The following POLN variants were observed in gnomAD, a reference collection of about 807,000 sequenced individuals.
The protein encoded by POLN is DNA polymerase N.
Under a neutral mutation model 113.5 loss-of-function variants are expected in POLN, and 108 were observed. That is an observed-to-expected ratio of 0.95 (90% CI 0.81 to 1.12). POLN has a LOEUF of 1.12. Among genes scored for constraint, POLN ranks in the 50% most tolerant of loss-of-function variants. POLN has a pLI of 0.00. For synonymous variants in POLN, 386 were observed against 391.5 expected, an observed-to-expected ratio of 0.99 and a Z score of 0.17; for missense variants, 1,097 against 1,077.1, an observed-to-expected ratio of 1.02 and a Z score of -0.26.
chr4:2,122,636 AT>A (rs1477524200), intron 19 of POLN, among the ~76,000 whole-genome samples: 6 of 152,242 alleles, frequency 3.9e-5, no homozygotes, highest in Non-Finnish European at 4.4e-5. Context: ...ACCTGTGGGA[AT>A]GTAAAATGGT....
At chr4:2,205,083 T>C (rs191282322) in intron 5 of POLN, among the ~76,000 whole-genome samples, 51 of 152,262 alleles carry the variant, frequency 3.3e-4, no homozygotes, top group African/African-American at 1.2e-3. Context: ...TTGGAAGTCC[T>C]AGCCAGAGCA....
At chr4:2,087,793 C>T (rs1428376973) in intron 20 of POLN, among the ~76,000 whole-genome samples, 11 of 151,858 alleles carry the variant, frequency 7.2e-5, no homozygotes, top group African/African-American at 1.2e-4. Context: ...GCATGATATA[C>T]GTAGAGTTTT....
intron 5 of POLN, among the ~76,000 whole-genome samples, chr4:2,201,394 T>A: frequency 7.3e-6 from 1 of 136,880 alleles, no homozygotes; most frequent in Non-Finnish European, 1.6e-5. Context: ...CTTATAGAAA[T>A]GCAAAATGCT....
At chr4:2,172,490 T>C (rs1260599243) in intron 11 of POLN, among the ~76,000 whole-genome samples, 1 of 152,226 alleles carries the variant, frequency 6.6e-6, no homozygotes, top group Non-Finnish European at 1.5e-5. Context: ...CTTATTGGCC[T>C]TTAGCTGAAC....
At chr4:2,079,898 C>G (rs540806445) in intron 23 of POLN, 2 of 985,670 alleles carry the variant, frequency 2.0e-6, no homozygotes, top group East Asian at 2.3e-4. Flanking sequence ...AGTGAATCTT[C>G]TAATGCCCCA....
rs1448945098 is a variant in POLN at position 2,229,167 on chromosome 4, T to C, written c.65A>G (p.Gln22Arg). Reference protein sequence around the residue: ...LCNTPLSSVAQKIMSAMHSGD... With the variant: ...LCNTPLSSVARKIMSAMHSGD... ...TGAATGCATAGCAGACATAATCTTC[T>C]GAGCAACACTGGAGAGCGGTGTATT... Residue 22 changes from glutamine to arginine, a missense_variant, in exon 3 of 26, where the codon CAG becomes CGG. Transcript: ENST00000511885. The C allele has an allele frequency of 6.2e-7, 1 of 1,610,808 alleles. No individual in the cohort carries two copies. The highest frequency in any genetic ancestry group is 8.5e-7 in the Non-Finnish European group (1 of 1,177,148).
intron 2 of POLN, chr4:2,236,208 C>A (rs1734758345): frequency 4.1e-6 from 6 of 1,453,556 alleles, no homozygotes; most frequent in Non-Finnish European, 2.9e-6. Flanking sequence ...GCATTTTTAA[C>A]TACTATGGCA....
chr4:2,130,020 G>A lies in POLN; in HGVS notation c.1790-764C>T, dbSNP rs530443663. 2.2e-3 allele frequency among the ~76,000 whole-genome samples: 329 copies of A among 151,952 alleles called. 1 individual carries two copies. Among genetic ancestry groups the A allele is most frequent in the African/African-American group, 7.3e-3 (301 of 41,422 alleles). On this transcript the variant is annotated intron_variant, in intron 17 of 25. Coordinates refer to ENST00000511885, the MANE Select transcript of POLN (RefSeq NM_181808.4). ...TGTAATCCCAGCACTTTGAGAGGCC[G>A]AGATGGGAAGATCACTTGAGCCCAG...
intron 13 of POLN, 118 bp from the exon 14 acceptor site, chr4:2,159,329 T>C: frequency 2.4e-6 from 2 of 819,586 alleles, no homozygotes; most frequent in Admixed American, 5.4e-5. Flanking sequence ...TTTTCCAAAA[T>C]AAAGATGCAT....
chr4:2,129,234 C>G lies in POLN; in HGVS notation c.1812G>C (p.Thr604=), dbSNP rs183922572. 2.4e-4 allele frequency: 385 copies of G among 1,596,894 alleles called. 6 individuals are homozygous for G. The Admixed American group carries it at 6.4e-3, about 26-fold the overall frequency. The change falls in exon 18 of 26, where the codon ACG becomes ACC. Residue 604 remains threonine (T), a synonymous_variant. Coordinates refer to ENST00000511885, the MANE Select transcript of POLN (RefSeq NM_181808.4). The part of the protein sequence containing the change: ...NFKGKEDKIL[T]ISPRAMFVSS... ...AAACAAACATGGCCCTCGGGGAGAT[C>G]GTGAGAATCTTGTCTTCTTTACCTG...
At chr4:2,236,522 T>A in intron 2 of POLN, 2 of 1,119,940 alleles carry the variant, frequency 1.8e-6, no homozygotes, top group Non-Finnish European at 2.7e-6. Context: ...AAAATTACAA[T>A]CCACTGTATT....
At chr4:2,174,664 C>T (rs1577741534) in intron 10 of POLN, 27 bp downstream of exon 10, 4 of 1,568,072 alleles carry the variant, frequency 2.6e-6, no homozygotes, top group Non-Finnish European at 3.5e-6. Context: ...AGAAAAATGG[C>T]TGTACTTCAT....
intron 16 of POLN, among the ~76,000 whole-genome samples, chr4:2,148,665 C>T (rs1296688891): frequency 2.4e-5 from 1 of 40,838 alleles, no homozygotes; most frequent in East Asian, 3.4e-4. Flanking sequence ...AGACTCTGTC[C>T]CCCCCCCAAA....
At chr4:2,188,268 T>A (rs2108754622) in intron 7 of POLN, among the ~76,000 whole-genome samples, 1 of 152,170 alleles carries the variant, frequency 6.6e-6, no homozygotes, top group South Asian at 2.1e-4. Flanking sequence ...ACCAGACCCA[T>A]CTTCCAAGAT....
At chr4:2,158,823 G>A (rs527972517) in intron 14 of POLN, among the ~76,000 whole-genome samples, 1 of 152,200 alleles carries the variant, frequency 6.6e-6, no homozygotes, top group African/African-American at 2.4e-5. Flanking sequence ...AAGCCAGGGA[G>A]GGGTTGTGGG....
At position 2,096,686 on chromosome 4, in the gene POLN, A is replaced by AAGAGAGAGAGAGAGAGAG. The variant is rs750844060; in HGVS notation, c.1983-771_1983-754dup. 8.3e-4 allele frequency among the ~76,000 whole-genome samples: 108 copies of AAGAGAGAGAGAGAGAGAG among 130,004 alleles called. 1 individual carries two copies. Among genetic ancestry groups the AAGAGAGAGAGAGAGAGAG allele is most frequent in the African/African-American group, 2.9e-3 (99 of 33,900 alleles). 85.3% of individuals were successfully genotyped at this position (130,004 alleles called of 152,430 possible). ...CATCTCAGATTCAGAAGCCGAGAGA[A>AAGAGAGAGAGAGAGAGAG]AGAGAGAGAGAGAGAGAGAGAGAGA... On this transcript the variant is annotated intron_variant, in intron 19 of 25. Coordinates refer to ENST00000511885, the MANE Select transcript of POLN (RefSeq NM_181808.4).
At chr4:2,115,230 T>TATATATA (rs1386479317) in intron 19 of POLN, among the ~76,000 whole-genome samples, 78 of 114,396 alleles carry the variant, frequency 6.8e-4, no homozygotes, top group African/African-American at 2.8e-3. Flanking sequence ...ATATATATAT[T>TATATATA]TTTTTTTTTG....
At chr4:2,190,130 G>A (rs1577755995) in intron 7 of POLN, among the ~76,000 whole-genome samples, 1 of 151,868 alleles carries the variant, frequency 6.6e-6, no homozygotes, top group African/African-American at 2.4e-5. Flanking sequence ...CAAAGCTGGA[G>A]GAATCACCCA....
intron 3 of POLN, chr4:2,227,734 GAAC>G (rs1734434407): frequency 6.6e-6 from 1 of 152,088 alleles, no homozygotes; most frequent in Admixed American, 6.5e-5. Context: ...ATGTATTTTA[GAAC>G]AACAATAAGA....
Sources: allele counts gnomAD v4.1 joint callset (sites outside exome capture counted in the v4.1 genomes callset), GRCh38; gene constraint gnomAD v4.1.1; transcripts MANE v1.5; gene names NCBI Gene and HGNC (gene_info 2026-07-23, HGNC 2026-07-21).